Variants in SHISA6 observed in about 807,000 individuals in gnomAD.
SHISA6 encodes the protein protein shisa-6.
A neutral mutation model predicts 47.9 loss-of-function variants in SHISA6; 22 were observed. That is an observed-to-expected ratio of 0.46 (90% CI 0.33 to 0.66). The LOEUF (loss-of-function observed/expected upper bound fraction) is 0.66. Among genes scored for constraint, SHISA6 ranks in the 30% least tolerant of loss-of-function variants. SHISA6 has a pLI of 0.02. For synonymous variants in SHISA6, 388 were observed against 337.8 expected (o/e 1.15, Z -1.63); for missense variants, 680 against 764.6 (o/e 0.89, Z 1.30).
At chr17:11,371,921 T>C (rs55756740) in intron 2 of SHISA6, among the ~76,000 whole-genome samples, 4,640 of 152,214 alleles carry the variant, frequency 0.03, 235 homozygotes, top group African/African-American at 0.1. Context: ...TAATAGATTG[T>C]GTTCATGATT....
chr17:11,429,059 G>A (rs1240271667), intron 3 of SHISA6, among the ~76,000 whole-genome samples: 4 of 152,072 alleles, frequency 2.6e-5, no homozygotes, highest in Non-Finnish European at 5.9e-5. Context: ...AAAGTGCTAG[G>A]ATTACAGGTG....
chr17:11,428,033 G>C (rs1567603390), intron 3 of SHISA6, among the ~76,000 whole-genome samples: 1 of 152,204 alleles, frequency 6.6e-6, no homozygotes. Context: ...TCTGAGATTA[G>C]TGACAGCTGA....
At chr17:11,369,381 C>T (rs16944647) in intron 2 of SHISA6, among the ~76,000 whole-genome samples, 24,169 of 152,224 alleles carry the variant, frequency 0.16, 2,041 homozygotes, top group East Asian at 0.23. Context: ...TGTCTCAGTC[C>T]AAAGGCACAT....
At chr17:11,346,897 T>A (rs1911717075) in intron 2 of SHISA6, among the ~76,000 whole-genome samples, 2 of 152,216 alleles carry the variant, frequency 1.3e-5, no homozygotes. Flanking sequence ...ACTGATGATA[T>A]TCTCCTGAAT....
intron 3 of SHISA6, among the ~76,000 whole-genome samples, chr17:11,460,803 C>T (rs1172155449): frequency 5.9e-5 from 9 of 152,200 alleles, no homozygotes; most frequent in Admixed American, 5.9e-4. Context: ...GCAAAGCCCA[C>T]ATCCCTCAAC....
Position 11,324,397 on chromosome 17 carries a change from C to A in SHISA6, c.800-55017C>A, listed in dbSNP as rs539733392. Among the ~76,000 whole-genome samples the A allele has an allele frequency of 3.3e-5, 5 of 152,308 alleles. No homozygotes were observed. The South Asian group carries it at 8.3e-4, about 25-fold the overall frequency. On this transcript the variant is annotated intron_variant, in intron 2 of 5. Transcript: ENST00000441885. ...ATTTGTTCATCCAGTAACTCTTGAG[C>A]ACTGCCTGAGTGCTGTGGCCTGTGC... is the stretch of plus-strand genomic sequence containing the variant.
chr17:11,513,354 G>A (rs2071557669), intron 3 of SHISA6, among the ~76,000 whole-genome samples: 1 of 151,986 alleles, frequency 6.6e-6, no homozygotes, highest in African/African-American at 2.4e-5. Flanking sequence ...TGATCACTGA[G>A]GCTGGATTAT....
intron 3 of SHISA6, among the ~76,000 whole-genome samples, chr17:11,496,461 C>T (rs1046489283): frequency 3.3e-5 from 5 of 152,114 alleles, no homozygotes; most frequent in African/African-American, 4.8e-5. Context: ...AAGTGGGGGC[C>T]GGGTACGGTG....
At chr17:11,449,131 C>G (rs1223597275) in intron 3 of SHISA6, among the ~76,000 whole-genome samples, 1 of 151,924 alleles carries the variant, frequency 6.6e-6, no homozygotes, top group Non-Finnish European at 1.5e-5. Context: ...AAGTCGGGGC[C>G]AAAGTTAGCA....
rs11376405 is a variant in SHISA6 at position 11,336,037 on chromosome 17, T to TAA, written c.800-43364_800-43363dup. On this transcript the variant is annotated intron_variant, in intron 2 of 5. Coordinates refer to ENST00000441885, the MANE Select transcript of SHISA6 (RefSeq NM_207386.4). ...AACATGGTGAAACCCCGTCTCTACT[T>TAA]AAAAAAAAAAAAAATCCAAAAACTA... is the stretch of plus-strand genomic sequence containing the variant. 1.8e-3 allele frequency among the ~76,000 whole-genome samples: 260 copies of TAA among 143,774 alleles called. 2 individuals are homozygous for TAA. The highest frequency in any genetic ancestry group is 5.6e-3 in the African/African-American group (222 of 39,324). The allele number at this position is 143,774 out of a possible 152,430, so 94.3% of individuals were successfully genotyped here.
At chr17:11,306,140 A>G (rs763966680) in intron 2 of SHISA6, among the ~76,000 whole-genome samples, 9 of 151,972 alleles carry the variant, frequency 5.9e-5, no homozygotes, top group South Asian at 2.1e-4. Flanking sequence ...ACTGCAAACC[A>G]TATACCACTA....
chr17:11,291,121 T>A (rs539128550), intron 2 of SHISA6, among the ~76,000 whole-genome samples: 67 of 152,076 alleles, frequency 4.4e-4, no homozygotes, highest in Non-Finnish European at 6.6e-4. Flanking sequence ...AGTGGGCGAT[T>A]CGAGGGGTAG....
At position 11,479,653 on chromosome 17, in the gene SHISA6, T is replaced by A. The variant is rs867271577; in HGVS notation, c.896-72243T>A. 9.2e-4 allele frequency among the ~76,000 whole-genome samples: 139 copies of A among 151,820 alleles called. 2 individuals carry two copies. The highest frequency in any genetic ancestry group is 3.4e-3 in the Middle Eastern group (1 of 292). On this transcript the variant is annotated intron_variant, in intron 3 of 5. Coordinates refer to ENST00000441885, the MANE Select transcript of SHISA6 (RefSeq NM_207386.4). ...AAAAAAGAAAAAAAAGAAGAAAAAA[T>A]AATAATAAAATAATTTTAATTCCTC... is the stretch of plus-strand genomic sequence containing the variant.
chr17:11,262,020 T>C (rs1007287174), intron 1 of SHISA6, among the ~76,000 whole-genome samples: 7 of 152,234 alleles, frequency 4.6e-5, no homozygotes, highest in Non-Finnish European at 8.8e-5. Context: ...CTAGTGTGTA[T>C]GAAAAGGTAT....
At chr17:11,306,423 G>T (rs553624812) in intron 2 of SHISA6, among the ~76,000 whole-genome samples, 82 of 152,274 alleles carry the variant, frequency 5.4e-4, no homozygotes, top group African/African-American at 1.9e-3. Flanking sequence ...GCTTCTGCTG[G>T]GTAGAAATTG....
intron 3 of SHISA6, among the ~76,000 whole-genome samples, chr17:11,512,595 T>C (rs920193207): frequency 2.0e-5 from 3 of 152,196 alleles, no homozygotes; most frequent in African/African-American, 7.2e-5. Flanking sequence ...AGTAACTTTA[T>C]ATTATTGCAA....
intron 3 of SHISA6, among the ~76,000 whole-genome samples, chr17:11,454,127 A>C (rs80130373): frequency 0.011 from 1,722 of 152,254 alleles, 43 homozygotes; most frequent in African/African-American, 0.039. Flanking sequence ...CATTCATTCG[A>C]TTTTTAAAGT....
chr17:11,549,564 T>A (rs1014764861), intron 3 of SHISA6, among the ~76,000 whole-genome samples: 5 of 152,230 alleles, frequency 3.3e-5, no homozygotes, highest in Non-Finnish European at 7.3e-5. Context: ...CGAGTTTTTT[T>A]AAAATGCCTA....
At chr17:11,551,002 G>T (rs1214045551) in intron 3 of SHISA6, among the ~76,000 whole-genome samples, 1 of 152,228 alleles carries the variant, frequency 6.6e-6, no homozygotes, top group Non-Finnish European at 1.5e-5. Flanking sequence ...AGATATTCTA[G>T]ACTGCAAGAA....
Sources: allele counts gnomAD v4.1 joint callset (sites outside exome capture counted in the v4.1 genomes callset), GRCh38; gene constraint gnomAD v4.1.1; transcripts MANE v1.5; gene names NCBI Gene and HGNC (gene_info 2026-07-23, HGNC 2026-07-21).